The following CADM2 variants were observed in gnomAD, a reference collection of about 807,000 sequenced individuals.
CADM2 encodes immunoglobulin superfamily member 4D.
CADM2 carries 12 observed loss-of-function variants against 49.8 expected under a neutral mutation model. The ratio of observed to expected loss-of-function variants is 0.24; its 90% CI spans 0.15 to 0.39. The LOEUF (loss-of-function observed/expected upper bound fraction) is 0.39. Among genes scored for constraint, CADM2 ranks in the 10% least tolerant of loss-of-function variants. The pLI is 1.00. For missense variants in CADM2, 378 were observed against 492.3 expected, an observed-to-expected ratio of 0.77 and a Z score of 2.20; for synonymous variants, 214 against 175.4, an observed-to-expected ratio of 1.22 and a Z score of -1.74.
chr3:85,057,436 A>C (rs1223350950), intron 1 of CADM2, among the ~76,000 whole-genome samples: 1 of 152,130 alleles, frequency 6.6e-6, no homozygotes, highest in African/African-American at 2.4e-5. Context: ...TTATTAATTA[A>C]ATGATTATAT....
In CADM2 at chr3:85,640,292, C is replaced by T. The variant is rs1001015308; in HGVS notation, c.62-86230C>T. 8.5e-5 allele frequency among the ~76,000 whole-genome samples: 13 copies of T among 152,268 alleles called. No homozygotes were observed. The East Asian group carries it at 1.7e-3, about 20-fold the overall frequency. ...TAATGCTACACCAATCACAGATTTT[C>T]AGATGTTGTTGAACGAATGAGCAGA... On this transcript the variant is annotated intron_variant, in intron 1 of 9. Transcript: ENST00000383699.
At chr3:85,564,717 T>C (rs2062204133) in intron 1 of CADM2, among the ~76,000 whole-genome samples, 1 of 152,116 alleles carries the variant, frequency 6.6e-6, no homozygotes, top group Non-Finnish European at 1.5e-5. Context: ...TTTTTAATTC[T>C]ATAATTAAAT....
intron 2 of CADM2, among the ~76,000 whole-genome samples, chr3:85,756,238 AGAC>A (rs2069115519): frequency 6.6e-6 from 1 of 152,136 alleles, no homozygotes; most frequent in Non-Finnish European, 1.5e-5. Context: ...GGTGACCTTT[AGAC>A]ATGACTGAAC....
intron 2 of CADM2, among the ~76,000 whole-genome samples, chr3:85,739,211 T>G (rs1313336645): frequency 1.3e-5 from 2 of 152,084 alleles, no homozygotes; most frequent in Non-Finnish European, 2.9e-5. Flanking sequence ...CATACCCAAA[T>G]AAATCTTGAC....
At position 85,341,483 on chromosome 3, in the gene CADM2, A is replaced by G. The variant is rs141491649; in HGVS notation, c.61+381815A>G. Among the ~76,000 whole-genome samples, 33 of 152,064 alleles carry G rather than the reference A, an allele frequency of 2.2e-4. No individual in the cohort carries two copies. In the East Asian group the frequency reaches 6.4e-3, roughly 29 times the overall value. ...TCTGGCAAAGAGCTTGGAAAATCCT[A>G]GTTAAAATGAGTCATATAGATCATA... On this transcript the variant is annotated intron_variant, in intron 1 of 9. Coordinates refer to ENST00000383699, the MANE Select transcript of CADM2 (RefSeq NM_001167675.2).
chr3:85,272,072 T>G (rs914906640), intron 1 of CADM2, among the ~76,000 whole-genome samples: 5 of 150,924 alleles, frequency 3.3e-5, no homozygotes, highest in Non-Finnish European at 7.4e-5. Context: ...GCTGGGCAGT[T>G]GTCCATATTT....
At chr3:85,831,975 A>T (rs2108231943) in intron 3 of CADM2, among the ~76,000 whole-genome samples, 1 of 152,076 alleles carries the variant, frequency 6.6e-6, no homozygotes, top group Admixed American at 6.6e-5. Context: ...TCAAATCTTC[A>T]GTCCATCTTC....
intron 2 of CADM2, among the ~76,000 whole-genome samples, chr3:85,738,334 C>A (rs941633350): frequency 1.3e-5 from 2 of 152,136 alleles, no homozygotes; most frequent in Admixed American, 6.5e-5. Context: ...TGATTGTCAG[C>A]AAATAAAACA....
At chr3:85,293,939 G>C (rs528182878) in intron 1 of CADM2, among the ~76,000 whole-genome samples, 1 of 152,122 alleles carries the variant, frequency 6.6e-6, no homozygotes, top group East Asian at 1.9e-4. Context: ...TTCTGGCCAG[G>C]GCAATTAGGC....
chr3:85,226,163 T>C (rs1262615046), intron 1 of CADM2, among the ~76,000 whole-genome samples: 1 of 152,184 alleles, frequency 6.6e-6, no homozygotes, highest in Admixed American at 6.5e-5. Flanking sequence ...CTTCTTTTTC[T>C]GTTAATTGGA....
intron 1 of CADM2, among the ~76,000 whole-genome samples, chr3:85,292,466 C>T (rs1269875219): frequency 6.6e-6 from 1 of 151,452 alleles, no homozygotes; most frequent in African/African-American, 2.4e-5. Context: ...AACTCTCCAC[C>T]CCAAATCAAC....
At chr3:85,899,305 G>A (rs1003162655) in intron 5 of CADM2, among the ~76,000 whole-genome samples, 1 of 151,944 alleles carries the variant, frequency 6.6e-6, no homozygotes, top group East Asian at 1.9e-4. Flanking sequence ...TCATGCTTTA[G>A]TTTTGTATGT....
At chr3:85,939,810 T>C (rs1267709458) in intron 7 of CADM2, among the ~76,000 whole-genome samples, 1 of 147,638 alleles carries the variant, frequency 6.8e-6, no homozygotes, top group Non-Finnish European at 1.5e-5. Flanking sequence ...AAATCTAGTA[T>C]GCATAATTGC....
intron 1 of CADM2, among the ~76,000 whole-genome samples, chr3:85,195,979 C>T (rs2041334783): frequency 6.6e-6 from 1 of 151,684 alleles, no homozygotes; most frequent in African/African-American, 2.4e-5. Flanking sequence ...GACAATTTAC[C>T]CAAGTCATCT....
chr3:85,674,826 T>A (rs1445572721), intron 1 of CADM2, among the ~76,000 whole-genome samples: 2 of 152,102 alleles, frequency 1.3e-5, no homozygotes, highest in African/African-American at 2.4e-5. Context: ...TTTATGCCAT[T>A]CATGTGAATA....
At chr3:85,194,098 G>A (rs2041279471) in intron 1 of CADM2, among the ~76,000 whole-genome samples, 1 of 152,116 alleles carries the variant, frequency 6.6e-6, no homozygotes, top group South Asian at 2.1e-4. Flanking sequence ...AAATCTGGAG[G>A]ATATGTTGGT....
At chr3:85,932,287 T>C (rs527627818) in intron 6 of CADM2, among the ~76,000 whole-genome samples, 3 of 152,100 alleles carry the variant, frequency 2.0e-5, no homozygotes, top group Admixed American at 1.3e-4. Flanking sequence ...AGGAGAAACG[T>C]TGGGGAAAGA....
chr3:85,930,308 T>C (rs2108525181), intron 6 of CADM2, among the ~76,000 whole-genome samples: 1 of 152,224 alleles, frequency 6.6e-6, no homozygotes, highest in East Asian at 1.9e-4. Flanking sequence ...TTTTCTTTTT[T>C]TAAAACTTTC....
chr3:85,294,521 A>G (rs967843873), intron 1 of CADM2, among the ~76,000 whole-genome samples: 8 of 151,974 alleles, frequency 5.3e-5, no homozygotes, highest in African/African-American at 1.7e-4. Flanking sequence ...GAGGCATCAC[A>G]CTACCTGACT....
Sources: allele counts gnomAD v4.1 joint callset (sites outside exome capture counted in the v4.1 genomes callset), GRCh38; gene constraint gnomAD v4.1.1; transcripts MANE v1.5; gene names NCBI Gene and HGNC (gene_info 2026-07-23, HGNC 2026-07-21).